The following POLR2B variants were observed in gnomAD, a reference collection of about 807,000 sequenced individuals.
The protein encoded by POLR2B is RNA polymerase II subunit B, also known as DNA-directed RNA polymerase II subunit RPB2.
In POLR2B, 57 loss-of-function variants were observed where a neutral mutation model predicts 144.6. The observed-to-expected ratio is 0.39, with a 90% CI of 0.32 to 0.49. The LOEUF (loss-of-function observed/expected upper bound fraction) is 0.49. Ranked by LOEUF, POLR2B falls within the 20% of genes least tolerant of loss-of-function variation. The pLI is 0.83. For synonymous variants in POLR2B, 442 were observed against 469.8 expected (o/e 0.94, Z 0.77); for missense variants, 595 against 1,467.4 (o/e 0.41, Z 9.71).
Position 57,023,254 on chromosome 4 carries a change from C to A in POLR2B, c.2516-76C>A. The A allele has an allele frequency of 6.8e-7, 1 of 1,468,492 alleles. No individual in the cohort carries two copies. The allele number at this position is 1,468,492 out of a possible 1,614,324, so 91.0% of individuals were successfully genotyped here. ...GAGACTCCTGTGGCCTTCTCTCTGA[C>A]TTGGAACTGATTCATGTATGTGGTT... On this transcript the variant is annotated intron_variant, in intron 18 of 24. Transcript: ENST00000314595. This position sits in a 1 kb window ranked among gnomAD's most constrained non-coding sequence, Gnocchi z 4.3.
chr4:56,990,437 G>C (rs1242261106), intron 2 of POLR2B, among the ~76,000 whole-genome samples: 1 of 152,090 alleles, frequency 6.6e-6, no homozygotes, highest in Admixed American at 6.6e-5. Flanking sequence ...CGTTGCCCAG[G>C]CTGAACTCAA....
At position 56,979,010 on chromosome 4, in the gene POLR2B, T is replaced by C. The variant is rs1201495141; in HGVS notation, c.19+6T>C. ...TATGTACGACGCGGATGAGGGTAGG[T>C]GAACGCTCAAAACACACGCCGTGGC... On this transcript the variant is annotated splice_donor_region_variant and intron_variant, in intron 1 of 24. Coordinates refer to ENST00000314595, the MANE Select transcript of POLR2B (RefSeq NM_000938.3). The C allele has an allele frequency of 1.2e-6, 2 of 1,613,290 alleles. No homozygotes were observed. Among genetic ancestry groups the C allele is most frequent in the Non-Finnish European group, 1.7e-6 (2 of 1,179,562 alleles).
At chr4:57,020,799 A>C in intron 16 of POLR2B, 100 bp from the exon 17 acceptor site, 1 of 776,750 alleles carries the variant, frequency 1.3e-6, no homozygotes, top group Admixed American at 1.8e-5. Flanking sequence ...ACACCCAAGC[A>C]TTTATGGCAA....
chr4:56,994,942 A>AG, intron 5 of POLR2B, 76 bp downstream of exon 5: 2 of 870,232 alleles, frequency 2.3e-6, no homozygotes, highest in Non-Finnish European at 1.7e-6. Context: ...AAAAAAAAAA[A>AG]AAAAGAAAGA....
chr4:56,990,875 G>A lies in POLR2B; in HGVS notation c.220G>A (p.Ala74Thr). 6.2e-7 allele frequency: 1 copy of A among 1,612,296 alleles called. No individual in the cohort carries two copies. The highest frequency in any genetic ancestry group is 8.5e-7 in the Non-Finnish European group (1 of 1,179,480). Reference protein sequence around the residue: ...PIDLQAEAQHASGEVEEPPRY... With the variant: ...PIDLQAEAQHTSGEVEEPPRY... The stretch of plus-strand genomic sequence containing the variant: ...AGACCTACAGGCTGAAGCTCAGCAT[G>A]CTAGTGGAGAAGTTGAAGAACCGGT... Residue 74 changes from alanine (A) to threonine (T), a missense_variant, in exon 3 of 25, where the codon GCT becomes ACT. Ala to Thr is a moderately conservative substitution (Grantham distance 58). This residue lies in a region of POLR2B where 251 missense variants were observed against 567.3 expected (regional missense o/e 0.44). Transcript: ENST00000314595.
intron 23 of POLR2B, among the ~76,000 whole-genome samples, chr4:57,025,973 A>G (rs971689322): frequency 2.0e-5 from 3 of 151,970 alleles, no homozygotes; most frequent in Non-Finnish European, 4.4e-5. Flanking sequence ...GCAATGGCTC[A>G]TGTCTGCAAT....
chr4:57,020,532 C>G (rs533550029), intron 16 of POLR2B, among the ~76,000 whole-genome samples: 2 of 152,228 alleles, frequency 1.3e-5, no homozygotes, highest in Admixed American at 6.5e-5. Flanking sequence ...ATTATTAATT[C>G]ACTCCTCTGA....
At chr4:57,016,990 A>G (rs1481122390) in intron 14 of POLR2B, 53 bp from the exon 15 acceptor site, 8 of 930,986 alleles carry the variant, frequency 8.6e-6, no homozygotes, top group Admixed American at 2.3e-5. Context: ...AGTAGGAGGA[A>G]TAGTTAGTTA....
At chr4:57,001,788 T>G (rs544827689) in intron 7 of POLR2B, among the ~76,000 whole-genome samples, 1 of 152,294 alleles carries the variant, frequency 6.6e-6, no homozygotes, top group South Asian at 2.1e-4. Flanking sequence ...TCCAGTTCCT[T>G]ATAAATTTTT....
At chr4:57,024,856 C>CTTA in intron 21 of POLR2B, 30 bp from the exon 22 acceptor site, 1 of 1,180,830 alleles carries the variant, frequency 8.5e-7, no homozygotes, top group African/African-American at 1.5e-5. Context: ...ACTGAAGCAA[C>CTTA]ATTTTAAAGA....
chr4:56,993,548 C>T (rs1272045810), intron 3 of POLR2B, among the ~76,000 whole-genome samples: 1 of 152,186 alleles, frequency 6.6e-6, no homozygotes, highest in African/African-American at 2.4e-5. Flanking sequence ...GTTTTCTTCT[C>T]TGAGACTTGA....
chr4:56,994,441 C>T lies in POLR2B; in HGVS notation c.281C>T (p.Ser94Phe), dbSNP rs771672253. Reference protein sequence around the residue: ...YLLKFEQIYLSKPTHWERDGA... With the variant: ...YLLKFEQIYLFKPTHWERDGA... The stretch of plus-strand genomic sequence containing the variant: ...CTGAAGTTTGAACAAATTTATCTTT[C>T]CAAGCCTACCCATTGGGAAAGAGAT... The change falls in exon 4 of 25, where the codon TCC (serine) becomes TTC (phenylalanine). Residue 94 changes from serine (S) to phenylalanine (F), a missense_variant. By Grantham distance (155) the Ser-to-Phe change is radical (BLOSUM62 -2). Coordinates refer to ENST00000314595, the MANE Select transcript of POLR2B (RefSeq NM_000938.3). The T allele has an allele frequency of 1.2e-6, 2 of 1,607,774 alleles. No individual in the cohort carries two copies. Among genetic ancestry groups the T allele is most frequent in the Admixed American group, 3.3e-5 (2 of 59,974 alleles).
Position 57,022,247 on chromosome 4 carries a change from G to C in POLR2B, c.2515+1G>C. The C allele has an allele frequency of 6.4e-7, 1 of 1,570,876 alleles. No homozygotes were observed. The highest frequency in any genetic ancestry group is 1.4e-5 in the African/African-American group (1 of 73,708). On this transcript the variant is annotated splice_donor_variant, in intron 18 of 24. Coordinates refer to ENST00000314595, the MANE Select transcript of POLR2B (RefSeq NM_000938.3). LOFTEE classifies it high-confidence loss of function. ...AAGCCTACACGTGAAACATGCCAGG[G>C]TAAGTGACACTAACATTTAAATGAT...
chr4:56,985,427 C>T lies in POLR2B; in HGVS notation c.20-927C>T, dbSNP rs953020453. 9.1e-6 allele frequency: 9 copies of T among 985,068 alleles called. No homozygotes were observed. The Admixed American group carries it at 1.8e-4, about 20-fold the overall frequency. The allele number at this position is 985,068 out of a possible 1,614,324, so 61.0% of individuals were successfully genotyped here. On this transcript the variant is annotated intron_variant, in intron 1 of 24. Coordinates refer to ENST00000314595, the MANE Select transcript of POLR2B (RefSeq NM_000938.3). The stretch of plus-strand genomic sequence containing the variant: ...AGGCGGGGATGGCACTCCCCCCCGC[C>T]GCCCCGTGGGGCGGCCCCGACTTTC...
At chr4:57,012,479 A>G (rs1246124410) in intron 13 of POLR2B, among the ~76,000 whole-genome samples, 1 of 152,164 alleles carries the variant, frequency 6.6e-6, no homozygotes, top group Non-Finnish European at 1.5e-5. Context: ...TAAGGGTTTT[A>G]GTATACTGTT....
intron 6 of POLR2B, 150 bp from the exon 7 acceptor site, chr4:56,999,467 C>T (rs1722790790): frequency 4.6e-6 from 2 of 430,792 alleles, no homozygotes; most frequent in South Asian, 7.0e-5. Context: ...TTTTGAAAAG[C>T]AGTCATAGGA....
intron 3 of POLR2B, among the ~76,000 whole-genome samples, chr4:56,992,676 C>T (rs796217633): frequency 2.0e-5 from 3 of 149,578 alleles, no homozygotes; most frequent in African/African-American, 7.4e-5. Flanking sequence ...TCTCCTGCCT[C>T]AGCTTTTTGA....
chr4:56,990,960 T>C, intron 3 of POLR2B, 62 bp downstream of exon 3: 1 of 1,416,504 alleles, frequency 7.1e-7, no homozygotes, highest in Non-Finnish European at 9.6e-7. Context: ...TTTTAGCCCT[T>C]CTCTTACCTG....
intron 6 of POLR2B, among the ~76,000 whole-genome samples, chr4:56,996,205 C>CGTGTGTGTGTGTGTGTGT (rs1325314185): frequency 1.3e-3 from 52 of 41,162 alleles, no homozygotes; most frequent in East Asian, 5.0e-3. Context: ...TATTTCAGTT[C>CGTGTGTGTGTGTGTGTGT]ATGTGTGTGT....
Sources: gnomAD v4.1 joint callset for allele counts (sites outside exome capture counted in the v4.1 genomes callset) on GRCh38, gnomAD v4.1.1 for gene constraint, gnomAD v4.1.1 regional missense constraint, Gnocchi (gnomAD v3.1) non-coding constraint, MANE v1.5 for transcripts, NCBI Gene and HGNC (gene_info 2026-07-23, HGNC 2026-07-21) for gene names.